The following CHIA variants were observed in gnomAD, a reference collection of about 807,000 sequenced individuals.
CHIA encodes chitinase acidic, also known as acidic mammalian chitinase.
CHIA carries 47 observed loss-of-function variants against 53.5 expected under a neutral mutation model. That is an observed-to-expected ratio of 0.88 (90% CI 0.70 to 1.12). The LOEUF (loss-of-function observed/expected upper bound fraction) is 1.12, where lower values mean the gene tolerates loss of function less well. CHIA is among the 50% of genes most tolerant of loss of function. The pLI is 0.00. For synonymous variants in CHIA, 268 were observed against 222.2 expected (o/e 1.21, Z -1.83); for missense variants, 652 against 592.2 (o/e 1.10, Z -1.05).
At chr1:111,307,363 A>G (rs1648269830) in intron 1 of CHIA, among the ~76,000 whole-genome samples, 1 of 152,224 alleles carries the variant, frequency 6.6e-6, no homozygotes, top group Non-Finnish European at 1.5e-5. Context: ...TGCATATGGT[A>G]TTATTTCATT....
chr1:111,297,356 A>G (rs1647257227), intron 1 of CHIA, among the ~76,000 whole-genome samples: 3 of 152,258 alleles, frequency 2.0e-5, no homozygotes, highest in African/African-American at 7.2e-5. Context: ...AGGAAAACCC[A>G]TTGGACTAAC....
chr1:111,301,580 T>C (rs993485709), intron 1 of CHIA, among the ~76,000 whole-genome samples: 2 of 151,744 alleles, frequency 1.3e-5, no homozygotes, highest in African/African-American at 4.8e-5. Context: ...CAGGCACCTA[T>C]AGTCCCAGCT....
intron 2 of CHIA, 91 bp downstream of exon 2, chr1:111,310,583 C>T: frequency 6.4e-7 from 1 of 1,572,680 alleles, no homozygotes; most frequent in African/African-American, 1.4e-5. Context: ...CTTCATACTA[C>T]ATCCCTATAC....
At chr1:111,318,767 G>C (rs142297954) in intron 9 of CHIA, 89 bp downstream of exon 9, 7 of 1,386,708 alleles carry the variant, frequency 5.0e-6, no homozygotes, top group Non-Finnish European at 6.9e-6. Context: ...TGTTCATTCT[G>C]TCTCCTACCT....
At chr1:111,292,545 CT>C (rs1268482038) in intron 1 of CHIA, among the ~76,000 whole-genome samples, 2 of 152,110 alleles carry the variant, frequency 1.3e-5, no homozygotes, top group Admixed American at 6.5e-5. Context: ...TCTCCGTTAT[CT>C]TTTTTTCCAT....
rs12094386 is a variant in CHIA at position 111,319,506 on chromosome 1, C to T, written c.1177+38C>T. 3,260 of 1,604,410 alleles carry T rather than the reference C, an allele frequency of 2.0e-3. 57 individuals are homozygous for T. In the African/African-American group the frequency reaches 0.038, roughly 19 times the overall value. On this transcript the variant is annotated intron_variant, in intron 11 of 11. Coordinates refer to ENST00000369740, the MANE Select transcript of CHIA (RefSeq NM_201653.4). ...GGGGGAATGCCCAGGTGTATAAATA[C>T]CCCTTCTCCAACTCAAAAAGCAACC...
At chr1:111,319,062 A>C in intron 9 of CHIA, 58 bp from the exon 10 acceptor site, 1 of 1,565,362 alleles carries the variant, frequency 6.4e-7, no homozygotes, top group Non-Finnish European at 8.6e-7. Context: ...AATTTGAAAC[A>C]TGTTTTTCTT....
In CHIA at chr1:111,318,441, G is replaced by T. The variant is rs555296423; in HGVS notation, c.730-52G>T. The T allele has an allele frequency of 2.5e-5, 37 of 1,470,198 alleles. No homozygotes were observed. In the South Asian group the frequency reaches 3.8e-4, roughly 15 times the overall value. The allele number at this position is 1,470,198 out of a possible 1,614,324, so 91.1% of individuals were successfully genotyped here. A position where few individuals can be genotyped will look rare whatever the true frequency, so the allele number is the denominator to read the frequency against. The stretch of plus-strand genomic sequence containing the variant: ...CGGAATAGGGGACTAATATAACTAA[G>T]TACTGGGTCCTCAGCTGGTTGGGCC... On this transcript the variant is annotated intron_variant, in intron 8 of 11. Transcript: ENST00000369740.
chr1:111,314,597 G>T lies in CHIA; in HGVS notation c.314+1G>T, dbSNP rs187663354. ...GAGGCTGGAACTTCGGGACTGCCCC[G>T]TAAGTCTTCTATGGAGAGCATGTTG... On this transcript the variant is annotated splice_donor_variant, in intron 5 of 11. Coordinates refer to ENST00000369740, the MANE Select transcript of CHIA (RefSeq NM_201653.4). LOFTEE classifies it high-confidence loss of function. 5.5e-5 allele frequency: 89 copies of T among 1,610,892 alleles called. No individual in the cohort carries two copies. The Admixed American group carries it at 7.2e-4, about 13-fold the overall frequency.
intron 6 of CHIA, 89 bp from the exon 7 acceptor site, chr1:111,317,591 GA>G (rs1649258586): frequency 7.0e-7 from 1 of 1,418,498 alleles, no homozygotes; most frequent in African/African-American, 1.4e-5. Context: ...TTAAGAGAGA[GA>G]AGCATTATAC....
chr1:111,308,731 G>A (rs1648424863), intron 1 of CHIA, among the ~76,000 whole-genome samples: 1 of 152,072 alleles, frequency 6.6e-6, no homozygotes, highest in African/African-American at 2.4e-5. Flanking sequence ...AAATAAAATT[G>A]GAGTTTATTT....
intron 6 of CHIA, 152 bp downstream of exon 6, chr1:111,315,587 A>G: frequency 1.3e-6 from 1 of 766,570 alleles, no homozygotes; most frequent in Non-Finnish European, 2.1e-6. Flanking sequence ...CGTTCATTAA[A>G]CAAACATTTA....
chr1:111,295,024 A>C (rs1158300393), intron 1 of CHIA, among the ~76,000 whole-genome samples: 2 of 152,238 alleles, frequency 1.3e-5, no homozygotes, highest in Non-Finnish European at 2.9e-5. Context: ...TTGATATTAC[A>C]GTAATGCTGG....
Position 111,318,637 on chromosome 1 carries a change from G to A in CHIA, c.874G>A (p.Gly292Arg), listed in dbSNP as rs1346600956. Residue 292 changes from glycine (G) to arginine (R), a missense_variant, in exon 9 of 12, where the codon GGG (glycine) becomes AGG (arginine). Physicochemically the swap from Gly to Arg is moderately radical, Grantham distance 125 (BLOSUM62 -2). Coordinates refer to ENST00000369740, the MANE Select transcript of CHIA (RefSeq NM_201653.4). Reference sequence around the variant, plus strand: ...CCCCACCTCTGGTGCTGGTCCTGCTGGGCCCTATGCCAAGGAGTCTGGGAT... The same window carrying A: ...CCCCACCTCTGGTGCTGGTCCTGCTAGGCCCTATGCCAAGGAGTCTGGGAT... The part of the protein sequence containing the change: ...GAPTSGAGPA[G>R]PYAKESGIWA... 2 of 1,614,040 alleles carry A rather than the reference G, an allele frequency of 1.2e-6. No individual in the cohort carries two copies. Among genetic ancestry groups the A allele is most frequent in the African/African-American group, 1.3e-5 (1 of 74,934 alleles).
Position 111,312,320 on chromosome 1 carries a change from G to A in CHIA, c.186G>A (p.Gln62=). ...THLIYAFAGR[Q]NNEITTIEWN... ...TGATCTACGCCTTTGCTGGGAGGCA[G>A]AACAACGAGATCACCACCATCGAAT... The change falls in exon 4 of 12, where the codon CAG becomes CAA. Residue 62 remains glutamine (Q), a synonymous_variant. Transcript: ENST00000369740. 2 of 1,614,144 alleles carry A rather than the reference G, an allele frequency of 1.2e-6. No individual in the cohort carries two copies. The highest frequency in any genetic ancestry group is 2.2e-5 in the East Asian group (1 of 44,886).
chr1:111,300,979 A>C (rs1413968224), intron 1 of CHIA, among the ~76,000 whole-genome samples: 1 of 152,252 alleles, frequency 6.6e-6, no homozygotes, highest in Non-Finnish European at 1.5e-5. Flanking sequence ...CATGTGAAAA[A>C]ATGCTCATCA....
intron 4 of CHIA, 32 bp downstream of exon 4, chr1:111,312,423 C>T (rs1648766653): frequency 6.5e-7 from 1 of 1,550,088 alleles, no homozygotes. Flanking sequence ...ATTTGGCATC[C>T]CCTTTTTCAG....
Position 111,315,321 on chromosome 1 carries a change from A to C in CHIA, c.366A>C (p.Ser122=), listed in dbSNP as rs750204591. The C allele has an allele frequency of 8.2e-5, 132 of 1,613,428 alleles. 1 individual carries two copies. Among genetic ancestry groups the C allele is most frequent in the Middle Eastern group, 5.3e-4 (3 of 5,620 alleles). Residue 122 remains serine, a synonymous_variant, in exon 6 of 12, where the codon TCA becomes TCC. Transcript: ENST00000369740. ...TPENRQTFIT[S]VIKFLRQYEF... ...AGAACCGCCAGACTTTCATCACCTC[A>C]GTCATCAAATTCCTGCGCCAGTATG...
At chr1:111,302,668 A>G (rs376321022) in intron 1 of CHIA, among the ~76,000 whole-genome samples, 23 of 152,316 alleles carry the variant, frequency 1.5e-4, no homozygotes, top group African/African-American at 5.3e-4. Context: ...GTGACCTAAT[A>G]TATAGTCTAT....
Sources: allele counts gnomAD v4.1 joint callset (sites outside exome capture counted in the v4.1 genomes callset), GRCh38; gene constraint gnomAD v4.1.1; transcripts MANE v1.5; gene names NCBI Gene and HGNC (gene_info 2026-07-23, HGNC 2026-07-21).